The following MZT2B variants were observed in gnomAD, a reference collection of about 807,000 sequenced individuals.
The protein encoded by MZT2B is mitotic-spindle organizing protein 2B.
Under a neutral mutation model 12.1 loss-of-function variants are expected in MZT2B, and 11 were observed. That is an observed-to-expected ratio of 0.91 (90% CI 0.57 to 1.50). The LOEUF (loss-of-function observed/expected upper bound fraction) is 1.50. MZT2B is among the 40% of genes most tolerant of loss of function. The pLI, the probability that MZT2B is intolerant of heterozygous loss-of-function variation, is 0.00. For synonymous variants in MZT2B, 85 were observed against 109.5 expected (o/e 0.78, Z 1.40); for missense variants, 209 against 227.7 (o/e 0.92, Z 0.53).
chr2:130,197,678 C>G, the MZT2B span, among the ~76,000 whole-genome samples: 1,038 of 125,568 alleles, frequency 8.3e-3, 276 homozygotes, highest in Non-Finnish European at 1.8e-3. Context: ...GCCATCACGA[C>G]TCACTGCAGC....
At chr2:130,195,086 C>T (rs766077530), downstream of MZT2B, 21 of 1,612,486 alleles carry the variant, frequency 1.3e-5, no homozygotes, top group Middle Eastern at 3.3e-4. Context: ...TACCAGTTTG[C>T]GGATCCGGTC....
intron 2 of MZT2B, chr2:130,184,616 C>G (rs1424525001): frequency 1.0e-6 from 1 of 985,266 alleles, no homozygotes; most frequent in Admixed American, 6.1e-5. Flanking sequence ...AGCTCGGACC[C>G]AAGGGAGGGT....
chr2:130,183,119 T>G, intron 2 of MZT2B: 1 of 435,032 alleles, frequency 2.3e-6, no homozygotes, highest in Non-Finnish European at 4.1e-6. Context: ...CCTATAATCT[T>G]TGGGACCCCA....
At chr2:130,200,184 G>A in the MZT2B span, among the ~76,000 whole-genome samples, 1 of 152,122 alleles carries the variant, frequency 6.6e-6, no homozygotes, top group Non-Finnish European at 1.5e-5. Context: ...GAGGTCAGGA[G>A]ATCGAGACCA....
At chr2:130,197,706 G>A in the MZT2B span, among the ~76,000 whole-genome samples, 3 of 123,496 alleles carry the variant, frequency 2.4e-5, no homozygotes, top group Non-Finnish European at 3.6e-5. Flanking sequence ...TTCCAGGCTC[G>A]GCTGATCCTC....
At chr2:130,181,870 G>A (rs1397208871), upstream of MZT2B, 2 of 789,152 alleles carry the variant, frequency 2.5e-6, no homozygotes, top group African/African-American at 2.5e-5. Context: ...CCTTCCCCCC[G>A]CCCGCCCCGA....
At chr2:130,186,629 C>T (rs757872546) in intron 2 of MZT2B, among the ~76,000 whole-genome samples, 96 of 152,128 alleles carry the variant, frequency 6.3e-4, no homozygotes, top group South Asian at 2.1e-3. Flanking sequence ...GCCAAATGAC[C>T]GGTACAAAAG....
At chr2:130,202,059 A>G in the MZT2B span, among the ~76,000 whole-genome samples, 362 of 152,206 alleles carry the variant, frequency 2.4e-3, 1 homozygote, top group African/African-American at 8.2e-3. Context: ...GCAACAAACT[A>G]TTCTACTGTA....
At chr2:130,198,349 G>A in the MZT2B span, 47 of 1,353,406 alleles carry the variant, frequency 3.5e-5, 18 homozygotes, top group African/African-American at 1.9e-4. Flanking sequence ...GGAGTGACCC[G>A]GGTCTTACCA....
At chr2:130,195,311 A>G (rs1447248203), downstream of MZT2B, 2 of 1,540,936 alleles carry the variant, frequency 1.3e-6, no homozygotes, top group Non-Finnish European at 1.8e-6. Flanking sequence ...TCACTTCTAC[A>G]GAGCACATGC....
chr2:130,194,047 G>A (rs781132116), downstream of MZT2B: 1 of 1,614,214 alleles, frequency 6.2e-7, no homozygotes, highest in Admixed American at 1.7e-5. Flanking sequence ...GGGGGAAGTG[G>A]ATGCGGGGGT....
chr2:130,187,292 A>T (rs995577614), intron 2 of MZT2B, among the ~76,000 whole-genome samples: 1 of 152,090 alleles, frequency 6.6e-6, no homozygotes, highest in Non-Finnish European at 1.5e-5. Flanking sequence ...GTGGGCTCAG[A>T]CAATCCTCCC....
At chr2:130,201,313 G>C in the MZT2B span, among the ~76,000 whole-genome samples, 2 of 152,200 alleles carry the variant, frequency 1.3e-5, no homozygotes, top group Non-Finnish European at 2.9e-5. Context: ...AAATACCACT[G>C]ACTGAGTGGC....
In MZT2B at chr2:130,188,681, A is replaced by G. The variant is rs570825388; in HGVS notation, c.320-1788A>G. The stretch of plus-strand genomic sequence containing the variant: ...CACCACCAGGCAAGAATGAGCAAAG[A>G]TCTCATTCTCTGAGGAAGAACTCCC... On this transcript the variant is annotated intron_variant, in intron 2 of 2. Coordinates refer to ENST00000281871, the MANE Select transcript of MZT2B (RefSeq NM_025029.5). Among the ~76,000 whole-genome samples, 34 of 152,200 alleles carry G rather than the reference A, an allele frequency of 2.2e-4. 2 individuals carry two copies. The South Asian group carries it at 6.2e-3, about 28-fold the overall frequency.
chr2:130,185,881 A>G (rs573476421), intron 2 of MZT2B, among the ~76,000 whole-genome samples: 30 of 152,202 alleles, frequency 2.0e-4, no homozygotes, highest in African/African-American at 6.5e-4. Context: ...TCCTGGAAGC[A>G]TAGCCCAGGT....
chr2:130,183,234 G>A, intron 2 of MZT2B: 1 of 275,204 alleles, frequency 3.6e-6, no homozygotes. Context: ...TCTCTGTCCT[G>A]TGGTATACAG....
intron 2 of MZT2B, among the ~76,000 whole-genome samples, chr2:130,188,707 C>T (rs1380140363): frequency 3.3e-5 from 5 of 152,108 alleles, no homozygotes; most frequent in South Asian, 2.1e-4. Flanking sequence ...AAGAACTCCC[C>T]GGAAACTCAA....
the MZT2B span, among the ~76,000 whole-genome samples, chr2:130,201,245 A>T: frequency 6.6e-6 from 1 of 152,236 alleles, no homozygotes. Context: ...AGAGGAGGCC[A>T]CTGGCCCCTT....
At chr2:130,184,275 TG>T (rs1689963395) in intron 2 of MZT2B, 46 of 985,208 alleles carry the variant, frequency 4.7e-5, no homozygotes, top group Non-Finnish European at 5.4e-5. Flanking sequence ...GAGTGCGGTG[TG>T]CTGTGCTGGA....
Sources: gnomAD v4.1 joint callset for allele counts (sites outside exome capture counted in the v4.1 genomes callset) on GRCh38, gnomAD v4.1.1 for gene constraint, MANE v1.5 for transcripts, NCBI Gene and HGNC (gene_info 2026-07-23, HGNC 2026-07-21) for gene names.